Variants in DSCAM observed in about 807,000 individuals in gnomAD.
DSCAM encodes cell adhesion molecule DSCAM.
DSCAM carries 47 observed loss-of-function variants against 217.7 expected under a neutral mutation model. That is an observed-to-expected ratio of 0.22 (90% CI 0.17 to 0.28). The LOEUF is 0.28. Among genes scored for constraint, DSCAM ranks in the 10% least tolerant of loss-of-function variants. DSCAM has a pLI of 1.00. For synonymous variants in DSCAM, 1,056 were observed against 1,015.3 expected (o/e 1.04, Z -0.76); for missense variants, 2,080 against 2,618.3 (o/e 0.79, Z 4.49).
chr21:40,122,399 G>A (rs548773793), intron 20 of DSCAM, among the ~76,000 whole-genome samples: 70 of 152,314 alleles, frequency 4.6e-4, no homozygotes, highest in African/African-American at 1.4e-3. Context: ...AAGAGCAACC[G>A]TGAATCCCAT....
chr21:40,240,349 G>GTTTTTTTTTTT (rs749073872), intron 11 of DSCAM, among the ~76,000 whole-genome samples: 5 of 57,732 alleles, frequency 8.7e-5, no homozygotes, highest in African/African-American at 3.1e-4. Flanking sequence ...TTCCTCACTG[G>GTTTTTTTTTTT]TTTTTTTTTT....
At chr21:40,644,079 C>A (rs1205650508) in intron 3 of DSCAM, among the ~76,000 whole-genome samples, 1 of 152,150 alleles carries the variant, frequency 6.6e-6, no homozygotes, top group African/African-American at 2.4e-5. Flanking sequence ...TTCAGTTGGT[C>A]CAAGACTGAG....
chr21:40,665,712 C>T (rs55771314), intron 3 of DSCAM, among the ~76,000 whole-genome samples: 6,645 of 152,278 alleles, frequency 0.044, 428 homozygotes, highest in African/African-American at 0.14. Flanking sequence ...TACTGCTCAC[C>T]GTTCCACCCT....
At chr21:40,517,434 CACA>C (rs2076311737) in intron 3 of DSCAM, among the ~76,000 whole-genome samples, 1 of 139,278 alleles carries the variant, frequency 7.2e-6, no homozygotes, top group Non-Finnish European at 1.6e-5. Flanking sequence ...CACACACACA[CACA>C]GACACGCATA....
chr21:40,493,217 T>G (rs1274663187), intron 3 of DSCAM, among the ~76,000 whole-genome samples: 1 of 152,204 alleles, frequency 6.6e-6, no homozygotes, highest in Non-Finnish European at 1.5e-5. Context: ...AATTTTACAT[T>G]TTTAAATATT....
chr21:40,672,594 A>G (rs1183577859), intron 3 of DSCAM, among the ~76,000 whole-genome samples: 2 of 152,342 alleles, frequency 1.3e-5, no homozygotes, highest in South Asian at 2.1e-4. Context: ...AAAGATATTT[A>G]TAGTGAGCCT....
intron 3 of DSCAM, among the ~76,000 whole-genome samples, chr21:40,485,233 C>A (rs899527606): frequency 7.5e-6 from 1 of 132,968 alleles, no homozygotes; most frequent in Non-Finnish European, 1.6e-5. Context: ...CACTGACTTT[C>A]TTTCTTTTTT....
At chr21:40,761,550 A>T (rs1432589299) in intron 1 of DSCAM, among the ~76,000 whole-genome samples, 1 of 152,154 alleles carries the variant, frequency 6.6e-6, no homozygotes, top group African/African-American at 2.4e-5. Flanking sequence ...AGCTCTCAGA[A>T]AAAAAACAAC....
intron 3 of DSCAM, among the ~76,000 whole-genome samples, chr21:40,444,488 G>A (rs975810044): frequency 1.3e-5 from 2 of 152,184 alleles, no homozygotes; most frequent in Admixed American, 6.5e-5. Context: ...AACCGGTTGA[G>A]CATAGCCAAT....
chr21:40,840,814 G>GGCTC (rs2092095187), intron 1 of DSCAM, among the ~76,000 whole-genome samples: 1 of 152,078 alleles, frequency 6.6e-6, no homozygotes, highest in Non-Finnish European at 1.5e-5. Flanking sequence ...AACTAAGAGG[G>GGCTC]GGAGCCAATC....
Position 40,421,324 on chromosome 21 carries a change from C to G in DSCAM, c.509-52079G>C, listed in dbSNP as rs1569114990. On this transcript the variant is annotated intron_variant, in intron 3 of 32. Coordinates refer to ENST00000400454, the MANE Select transcript of DSCAM (RefSeq NM_001389.5). Reference sequence around the variant, plus strand: ...AGACAGAGGAGAGAAACTAAGCATACAGTACCTGTCCTGTCTTGTCAAAGG... The same window carrying G: ...AGACAGAGGAGAGAAACTAAGCATAGAGTACCTGTCCTGTCTTGTCAAAGG... 2.0e-5 allele frequency among the ~76,000 whole-genome samples: 3 copies of G among 152,316 alleles called. No individual in the cohort carries two copies. In the East Asian group the frequency reaches 5.8e-4, roughly 29 times the overall value.
At chr21:40,708,827 G>T in intron 1 of DSCAM, 56 bp from the exon 2 acceptor site, 1 of 1,239,026 alleles carries the variant, frequency 8.1e-7, no homozygotes, top group Non-Finnish European at 1.1e-6. Context: ...TTTGACATTT[G>T]CAGTTCAATG....
chr21:40,506,142 G>A (rs564928878), intron 3 of DSCAM, among the ~76,000 whole-genome samples: 3 of 152,122 alleles, frequency 2.0e-5, no homozygotes, highest in Non-Finnish European at 2.9e-5. Context: ...AATGTGTAAC[G>A]CATTTTATAA....
At chr21:40,691,565 A>T (rs948055319) in intron 3 of DSCAM, among the ~76,000 whole-genome samples, 1 of 152,232 alleles carries the variant, frequency 6.6e-6, no homozygotes, top group African/African-American at 2.4e-5. Flanking sequence ...ACTGAAAATT[A>T]GCAAATAAAA....
At chr21:40,571,421 T>C (rs762225304) in intron 3 of DSCAM, among the ~76,000 whole-genome samples, 2 of 152,186 alleles carry the variant, frequency 1.3e-5, no homozygotes, top group African/African-American at 2.4e-5. Flanking sequence ...ATCCTGAAGA[T>C]ATGGACATCT....
chr21:40,357,121 T>C (rs1174540591), intron 4 of DSCAM, among the ~76,000 whole-genome samples: 1 of 152,204 alleles, frequency 6.6e-6, no homozygotes, highest in Non-Finnish European at 1.5e-5. Context: ...CAGTCATTCA[T>C]ATGCATGACT....
At chr21:40,376,842 A>T (rs1056828713) in intron 3 of DSCAM, among the ~76,000 whole-genome samples, 1 of 151,922 alleles carries the variant, frequency 6.6e-6, no homozygotes, top group Non-Finnish European at 1.5e-5. Flanking sequence ...AAGAGAAAAG[A>T]AGAGCCCCCT....
chr21:40,612,802 G>A (rs1377976544), intron 3 of DSCAM, among the ~76,000 whole-genome samples: 1 of 152,182 alleles, frequency 6.6e-6, no homozygotes, highest in Non-Finnish European at 1.5e-5. Flanking sequence ...GCAGGAATAT[G>A]GAAGGCAGTG....
chr21:40,418,294 G>A (rs776608604), intron 3 of DSCAM, among the ~76,000 whole-genome samples: 7 of 152,160 alleles, frequency 4.6e-5, no homozygotes, highest in African/African-American at 7.2e-5. Flanking sequence ...TTCAGTGAAC[G>A]TCCTCTAAAC....
Sources: allele counts gnomAD v4.1 joint callset (sites outside exome capture counted in the v4.1 genomes callset), GRCh38; gene constraint gnomAD v4.1.1; transcripts MANE v1.5; gene names NCBI Gene and HGNC (gene_info 2026-07-23, HGNC 2026-07-21).